The following CRYBG1 variants were observed in gnomAD, a reference collection of about 807,000 sequenced individuals.
The protein encoded by CRYBG1 is crystallin beta-gamma domain containing 1, also known as beta/gamma crystallin domain-containing protein 1.
CRYBG1 carries 139 observed loss-of-function variants against 189.2 expected under a neutral mutation model. The ratio of observed to expected loss-of-function variants is 0.73; its 90% CI spans 0.64 to 0.85. The LOEUF (loss-of-function observed/expected upper bound fraction) is 0.85, where lower values mean the gene tolerates loss of function less well. Ranked by LOEUF, CRYBG1 falls within the 40% of genes least tolerant of loss-of-function variation. The probability of loss-of-function intolerance (pLI) is 0.00; values close to 1 mark genes in which losing one functional copy is unlikely to be tolerated. For missense variants in CRYBG1, 2,611 were observed against 2,675.8 expected, an observed-to-expected ratio of 0.98 and a Z score of 0.53; for synonymous variants, 1,023 against 1,017.1, an observed-to-expected ratio of 1.01 and a Z score of -0.11.
intron 15 of CRYBG1, among the ~76,000 whole-genome samples, chr6:106,552,902 TCTCA>T (rs1357533812): frequency 3.9e-5 from 6 of 152,330 alleles, no homozygotes; most frequent in South Asian, 2.1e-4. Context: ...TTTTTTATGG[TCTCA>T]CTCAAGCTTT....
chr6:106,520,220 C>T lies in CRYBG1; in HGVS notation c.3012C>T (p.Pro1004=). Residue 1004 remains proline (P), a synonymous_variant, in exon 4 of 22, where the codon CCC becomes CCT. Transcript: ENST00000633556. ...TGGTTTCCGTTGCAAGTTGTGCTCC[C>T]CCACAAGAGGAAGTACTGGGCAATG... ...PEVVSVASCA[P]PQEEVLGNEH... 6.2e-7 allele frequency: 1 copy of T among 1,614,178 alleles called. No homozygotes were observed. The highest frequency in any genetic ancestry group is 1.1e-5 in the South Asian group (1 of 91,090).
At chr6:106,491,460 A>C (rs997172134) in intron 2 of CRYBG1, among the ~76,000 whole-genome samples, 1 of 152,170 alleles carries the variant, frequency 6.6e-6, no homozygotes, top group African/African-American at 2.4e-5. Flanking sequence ...AGTGAAACCT[A>C]CATGGTTTGT....
intron 1 of CRYBG1, among the ~76,000 whole-genome samples, chr6:106,439,793 G>C (rs1241563928): frequency 1.3e-5 from 2 of 151,968 alleles, no homozygotes; most frequent in Non-Finnish European, 2.9e-5. Flanking sequence ...GAGACAGAAG[G>C]TGATATGGTT....
At chr6:106,410,844 A>C (rs1189089348) in intron 1 of CRYBG1, among the ~76,000 whole-genome samples, 1 of 151,958 alleles carries the variant, frequency 6.6e-6, no homozygotes, top group East Asian at 1.9e-4. Flanking sequence ...AACATCACAC[A>C]CTGGGGACTG....
chr6:106,389,168 A>G (rs1342897587), intron 1 of CRYBG1, among the ~76,000 whole-genome samples: 1 of 152,008 alleles, frequency 6.6e-6, no homozygotes, highest in Non-Finnish European at 1.5e-5. Flanking sequence ...TAGATTAAAA[A>G]TTGCTTTTTG....
chr6:106,540,766 C>A (rs757729012), intron 9 of CRYBG1, among the ~76,000 whole-genome samples: 2 of 150,878 alleles, frequency 1.3e-5, no homozygotes, highest in African/African-American at 4.9e-5. Context: ...TCATTTGGTG[C>A]CTTTGAGCAT....
At chr6:106,443,022 A>T (rs7753142) in intron 1 of CRYBG1, among the ~76,000 whole-genome samples, 15,381 of 152,244 alleles carry the variant, frequency 0.1, 862 homozygotes, top group East Asian at 0.16. Context: ...AAGTTAGAAT[A>T]GGTTAAAGGC....
At chr6:106,553,026 C>T (rs1431253152) in intron 15 of CRYBG1, among the ~76,000 whole-genome samples, 2 of 152,190 alleles carry the variant, frequency 1.3e-5, no homozygotes, top group African/African-American at 4.8e-5. Context: ...ACTATAGCCT[C>T]CTTTATTGGC....
At chr6:106,381,787 T>C (rs1236887824) in intron 1 of CRYBG1, among the ~76,000 whole-genome samples, 2 of 152,218 alleles carry the variant, frequency 1.3e-5, no homozygotes, top group Non-Finnish European at 2.9e-5. Flanking sequence ...TACTTTCTGC[T>C]TTGGGCAATG....
At chr6:106,487,855 G>A (rs1284371698) in intron 2 of CRYBG1, among the ~76,000 whole-genome samples, 3 of 152,106 alleles carry the variant, frequency 2.0e-5, no homozygotes, top group Non-Finnish European at 4.4e-5. Flanking sequence ...TGTTTTGGGG[G>A]AGGTGTCATC....
At chr6:106,382,714 T>G (rs554063694) in intron 1 of CRYBG1, among the ~76,000 whole-genome samples, 1 of 152,356 alleles carries the variant, frequency 6.6e-6, no homozygotes, top group Non-Finnish European at 1.5e-5. Flanking sequence ...TGTAATAATT[T>G]TGATTTTATT....
chr6:106,391,372 G>A (rs1327722224), intron 1 of CRYBG1, among the ~76,000 whole-genome samples: 4 of 152,164 alleles, frequency 2.6e-5, no homozygotes, highest in East Asian at 1.9e-4. Flanking sequence ...GTGAGCCACC[G>A]TGTCCATCCA....
At chr6:106,393,739 G>A (rs1222209293) in intron 1 of CRYBG1, among the ~76,000 whole-genome samples, 1 of 147,838 alleles carries the variant, frequency 6.8e-6, no homozygotes, top group Non-Finnish European at 1.5e-5. Flanking sequence ...GCAGTGGCAC[G>A]ATCTTGGCTC....
intron 1 of CRYBG1, 132 bp downstream of exon 1, chr6:106,361,213 G>A (rs536902506): frequency 3.6e-5 from 42 of 1,164,434 alleles, no homozygotes; most frequent in East Asian, 2.5e-4. Flanking sequence ...CCGCAGGAGG[G>A]TACCCGGGTC....
At chr6:106,432,637 T>G (rs1374299637) in intron 1 of CRYBG1, among the ~76,000 whole-genome samples, 1 of 152,186 alleles carries the variant, frequency 6.6e-6, no homozygotes, top group East Asian at 1.9e-4. Flanking sequence ...GTACCTGGGC[T>G]CTGCTAAACA....
chr6:106,496,567 TTTTAAG>T (rs1207824642), intron 2 of CRYBG1, among the ~76,000 whole-genome samples: 1 of 152,156 alleles, frequency 6.6e-6, no homozygotes, highest in Non-Finnish European at 1.5e-5. Flanking sequence ...TCAAAAATAA[TTTTAAG>T]TTTAATTGAA....
intron 8 of CRYBG1, among the ~76,000 whole-genome samples, chr6:106,532,727 T>A (rs1168673689): frequency 6.6e-6 from 1 of 152,216 alleles, no homozygotes. Context: ...TGTACTGTTT[T>A]TTGTGTACAT....
At chr6:106,437,556 C>A (rs1390940242) in intron 1 of CRYBG1, among the ~76,000 whole-genome samples, 2 of 152,144 alleles carry the variant, frequency 1.3e-5, no homozygotes, top group African/African-American at 2.4e-5. Context: ...CCTGCCCCAG[C>A]CTCCTGAGTA....
intron 2 of CRYBG1, among the ~76,000 whole-genome samples, chr6:106,482,052 T>A (rs1359348897): frequency 6.6e-6 from 1 of 151,574 alleles, no homozygotes; most frequent in African/African-American, 2.4e-5. Flanking sequence ...TAGTGTACTT[T>A]CGCTGTGTCC....
Sources: allele counts gnomAD v4.1 joint callset (sites outside exome capture counted in the v4.1 genomes callset), GRCh38; gene constraint gnomAD v4.1.1; transcripts MANE v1.5; gene names NCBI Gene and HGNC (gene_info 2026-07-23, HGNC 2026-07-21).